Variants in BPTF observed in about 807,000 individuals in gnomAD.
BPTF encodes nucleosome-remodeling factor subunit BPTF.
A neutral mutation model predicts 292.5 loss-of-function variants in BPTF; 18 were observed. That is an observed-to-expected ratio of 0.06 (90% CI 0.04 to 0.09). BPTF has a LOEUF of 0.09. Among genes scored for constraint, BPTF ranks in the 10% least tolerant of loss-of-function variants. The pLI is 1.00. For missense variants in BPTF, 2,726 were observed against 3,498.7 expected (o/e 0.78, Z 5.57); for synonymous variants, 1,225 against 1,251.9 (o/e 0.98, Z 0.45).
At chr17:67,918,225 C>T (rs139860861) in intron 11 of BPTF, among the ~76,000 whole-genome samples, 136 of 152,302 alleles carry the variant, frequency 8.9e-4, no homozygotes, top group African/African-American at 3.1e-3. Context: ...CGTGAGCCAC[C>T]GCATCTGACC....
intron 1 of BPTF, among the ~76,000 whole-genome samples, chr17:67,831,594 C>T (rs1334689933): frequency 2.0e-5 from 3 of 152,110 alleles, no homozygotes; most frequent in Non-Finnish European, 4.4e-5. Context: ...TCTGTTAGGT[C>T]CTCCTTTCCT....
chr17:67,971,391 T>C (rs1366020272), intron 26 of BPTF, among the ~76,000 whole-genome samples: 1 of 152,124 alleles, frequency 6.6e-6, no homozygotes, highest in Non-Finnish European at 1.5e-5. Flanking sequence ...TTTTAGGCTT[T>C]TTTTTAAAAA....
At chr17:67,883,017 AAAAG>A (rs869138595) in intron 4 of BPTF, among the ~76,000 whole-genome samples, 27 of 146,026 alleles carry the variant, frequency 1.8e-4, no homozygotes, top group African/African-American at 6.7e-4. Flanking sequence ...AAAAAAAAAA[AAAAG>A]AAAAGAAAAA....
At chr17:67,895,255 C>T (rs940522603) in intron 7 of BPTF, among the ~76,000 whole-genome samples, 11 of 143,328 alleles carry the variant, frequency 7.7e-5, no homozygotes, top group African/African-American at 2.9e-4. Context: ...ATCACTTTAA[C>T]TCAGGAGGCG....
In BPTF at chr17:67,945,600, G is replaced by C. The variant is rs1555674395; in HGVS notation, c.6892G>C (p.Glu2298Gln). 1.9e-6 allele frequency: 3 copies of C among 1,612,668 alleles called. No individual in the cohort carries two copies. Among genetic ancestry groups the C allele is most frequent in the Non-Finnish European group, 2.5e-6 (3 of 1,179,354 alleles). The part of the protein sequence containing the change: ...PAQPEVQTQP[E>Q]VQTQTTVSSH... ...TCAGCCTGAAGTTCAGACTCAGCCT[G>C]AAGTTCAGACCCAAACAACTGTTTC... is the stretch of plus-strand genomic sequence containing the variant. The change falls in exon 21 of 28, where the codon GAA becomes CAA. Residue 2298 changes from glutamate to glutamine, a missense_variant. Physicochemically the swap from Glu to Gln is conservative, Grantham distance 29. Around this residue, in one of 22 missense-constraint regions of BPTF, gnomAD observed 570 missense variants for 633.5 expected, o/e 0.90. Coordinates refer to ENST00000306378, the MANE Select transcript of BPTF (RefSeq NM_182641.4).
chr17:67,938,355 T>G (rs1359928714), intron 18 of BPTF, among the ~76,000 whole-genome samples: 2 of 152,182 alleles, frequency 1.3e-5, no homozygotes, highest in African/African-American at 4.8e-5. Context: ...GTTCTCAAAT[T>G]AAAGACCTTG....
At chr17:67,915,662 C>T (rs1400230499) in intron 11 of BPTF, among the ~76,000 whole-genome samples, 1 of 151,884 alleles carries the variant, frequency 6.6e-6, no homozygotes, top group Non-Finnish European at 1.5e-5. Context: ...ATATGTGTGC[C>T]CCTTGCCTTT....
intron 13 of BPTF, among the ~76,000 whole-genome samples, chr17:67,921,178 C>G (rs187628802): frequency 1.2e-3 from 168 of 141,294 alleles, no homozygotes; most frequent in Middle Eastern, 4.2e-3. Context: ...CCACTGCACT[C>G]CAGTCTGGGT....
intron 1 of BPTF, among the ~76,000 whole-genome samples, chr17:67,836,246 A>G (rs929850947): frequency 1.3e-5 from 2 of 152,110 alleles, no homozygotes; most frequent in Middle Eastern, 3.2e-3. Flanking sequence ...ACTTCTTTCT[A>G]CTCATGGATA....
At chr17:67,886,334 C>G (rs995482514) in intron 4 of BPTF, 1 of 1,518,140 alleles carries the variant, frequency 6.6e-7, no homozygotes, top group Non-Finnish European at 8.9e-7. Context: ...TATACTTCAT[C>G]CATTCCTTTA....
intron 26 of BPTF, among the ~76,000 whole-genome samples, chr17:67,970,791 A>G (rs542964702): frequency 6.6e-6 from 1 of 152,370 alleles, no homozygotes; most frequent in South Asian, 2.1e-4. Flanking sequence ...ATCATTTTAA[A>G]TTATATGAAA....
Position 67,875,729 on chromosome 17 carries a change from C to T in BPTF, c.1864+709C>T, listed in dbSNP as rs769104467. On this transcript the variant is annotated intron_variant, in intron 4 of 27. Coordinates refer to ENST00000306378, the MANE Select transcript of BPTF (RefSeq NM_182641.4). ...AGAGAAGAAGGTGGCATCTGAGCTC[C>T]CCCAGGATGTGCCAGGTACAGAGGG... The T allele has an allele frequency of 2.5e-6, 4 of 1,594,976 alleles. No individual in the cohort carries two copies. The South Asian group carries it at 4.6e-5, about 18-fold the overall frequency.
chr17:67,973,056 A>T (rs1228605052), intron 26 of BPTF, among the ~76,000 whole-genome samples: 3 of 143,268 alleles, frequency 2.1e-5, no homozygotes, highest in South Asian at 2.1e-4. Context: ...TATATATTTT[A>T]TATATATATA....
chr17:67,903,333 A>G (rs1038082011), intron 7 of BPTF, among the ~76,000 whole-genome samples: 1 of 152,260 alleles, frequency 6.6e-6, no homozygotes, highest in Non-Finnish European at 1.5e-5. Context: ...GACCTGGTTT[A>G]ATAAATTATG....
intron 2 of BPTF, among the ~76,000 whole-genome samples, chr17:67,862,958 C>T (rs2059173734): frequency 6.6e-6 from 1 of 152,116 alleles, no homozygotes; most frequent in South Asian, 2.1e-4. Context: ...TCTTCAGCCT[C>T]TTCCCATTAC....
chr17:67,917,280 C>T (rs2063102162), intron 11 of BPTF, among the ~76,000 whole-genome samples: 1 of 151,472 alleles, frequency 6.6e-6, no homozygotes, highest in Admixed American at 6.6e-5. Flanking sequence ...TTACAGGCGC[C>T]CGCCACCATA....
At chr17:67,948,996 A>C (rs1555676993) in intron 23 of BPTF, among the ~76,000 whole-genome samples, 1 of 152,154 alleles carries the variant, frequency 6.6e-6, no homozygotes, top group Non-Finnish European at 1.5e-5. Flanking sequence ...CAAAACAAAC[A>C]AATAAAAAAT....
intron 9 of BPTF, among the ~76,000 whole-genome samples, chr17:67,905,700 C>T (rs1221460003): frequency 2.0e-5 from 3 of 151,780 alleles, no homozygotes; most frequent in Admixed American, 6.6e-5. Context: ...CAGAACCAGA[C>T]TCAATCTCTT....
At chr17:67,925,852 C>T (rs1490051644) in intron 15 of BPTF, among the ~76,000 whole-genome samples, 1 of 152,044 alleles carries the variant, frequency 6.6e-6, no homozygotes, top group African/African-American at 2.4e-5. Flanking sequence ...GATGATAGCA[C>T]TTTTGGATTC....
Sources: gnomAD v4.1 joint callset for allele counts (sites outside exome capture counted in the v4.1 genomes callset) on GRCh38, gnomAD v4.1.1 for gene constraint, gnomAD v4.1.1 regional missense constraint, MANE v1.5 for transcripts, NCBI Gene and HGNC (gene_info 2026-07-23, HGNC 2026-07-21) for gene names.